The following NLRP5 variants were observed in gnomAD, a reference collection of about 807,000 sequenced individuals.
NLRP5 encodes the protein NACHT, LRR and PYD domains-containing protein 5.
A neutral mutation model predicts 113.1 loss-of-function variants in NLRP5; 93 were observed. The observed-to-expected ratio is 0.82, with a 90% CI of 0.70 to 0.98. The LOEUF (loss-of-function observed/expected upper bound fraction) is 0.98, where lower values mean the gene tolerates loss of function less well. NLRP5 is among the 50% of genes least tolerant of loss of function. The probability of loss-of-function intolerance (pLI) is 0.00; values close to 1 mark genes in which losing one functional copy is unlikely to be tolerated. For synonymous variants in NLRP5, 751 were observed against 600.7 expected (o/e 1.25, Z -3.66); for missense variants, 1,808 against 1,514.3 (o/e 1.19, Z -3.22).
chr19:56,028,468 A>C lies in NLRP5; in HGVS notation c.2235A>C (p.Pro745=). ...GGGTGGATGTCAAAGGGATCTTCCC[A>C]AGAGATGAGTCCGCTGAGGCATGTC... The change falls in exon 7 of 15, where the codon CCA becomes CCC. Residue 745 remains proline, a synonymous_variant. Transcript: ENST00000390649. 1.2e-6 allele frequency: 2 copies of C among 1,613,856 alleles called. No individual in the cohort carries two copies. The highest frequency in any genetic ancestry group is 1.7e-6 in the Non-Finnish European group (2 of 1,179,894).
Position 56,003,904 on chromosome 19 carries a change from TA to T in NLRP5, c.254del (p.Lys85ArgfsTer49), listed in dbSNP as rs1452787855. The T allele has an allele frequency of 6.2e-7, 1 of 1,614,010 alleles. No individual in the cohort carries two copies. The highest frequency in any genetic ancestry group is 8.5e-7 in the Non-Finnish European group (1 of 1,179,890). The stretch of plus-strand genomic sequence containing the variant: ...GAATTTCAGACATTCAAGGAATTAC[TA>T]AAGAAGAAATCTTCAGAATCGACCA... On this transcript the variant is annotated frameshift_variant, in exon 2 of 15. Transcript: ENST00000390649. LOFTEE classifies it high-confidence loss of function.
chr19:56,050,356 C>G, intron 11 of NLRP5, 62 bp from the exon 12 acceptor site: 3 of 1,501,326 alleles, frequency 2.0e-6, no homozygotes, highest in Non-Finnish European at 2.8e-6. Context: ...AGCAGCAGCT[C>G]ACTTGAGGCC....
chr19:56,005,453 T>G (rs941423770), intron 2 of NLRP5, among the ~76,000 whole-genome samples: 3 of 141,848 alleles, frequency 2.1e-5, no homozygotes, highest in African/African-American at 7.9e-5. Context: ...ACATATATTT[T>G]TATATACACA....
chr19:56,002,576 T>G (rs924605226), intron 1 of NLRP5, among the ~76,000 whole-genome samples: 8 of 151,368 alleles, frequency 5.3e-5, no homozygotes, highest in African/African-American at 2.0e-4. Context: ...TAACTCATCA[T>G]TTAGCATTAG....
At chr19:56,010,799 T>C (rs78527589) in intron 3 of NLRP5, among the ~76,000 whole-genome samples, 34 of 138,052 alleles carry the variant, frequency 2.5e-4, no homozygotes, top group Non-Finnish European at 5.0e-4. Context: ...GTTTTTTTTT[T>C]ATCAAGCTAT....
chr19:56,041,447 T>A (rs750761982), intron 11 of NLRP5, among the ~76,000 whole-genome samples: 19 of 152,116 alleles, frequency 1.2e-4, no homozygotes, highest in Non-Finnish European at 2.4e-4. Flanking sequence ...CACGTTTTCA[T>A]CAATCGATGA....
rs202104062 is a variant in NLRP5, at chr19:56,003,724, C to G, written c.71C>G (p.Thr24Ser). 3.1e-5 allele frequency: 49 copies of G among 1,596,342 alleles called. No homozygotes were observed. Among genetic ancestry groups the G allele is most frequent in the Non-Finnish European group, 4.1e-5 (48 of 1,172,682 alleles). The change falls in exon 2 of 15, where the codon ACT (threonine) becomes AGT (serine). Residue 24 changes from threonine (T) to serine (S), a missense_variant. Coordinates refer to ENST00000390649, the MANE Select transcript of NLRP5 (RefSeq NM_153447.4). Reference sequence around the variant, plus strand: ...CAAGATCCTCTTTTAAGTCTTGTCACTCTTTCCACAGGTCCTACTTGCTCT... The same window carrying G: ...CAAGATCCTCTTTTAAGTCTTGTCAGTCTTTCCACAGGTCCTACTTGCTCT...
At position 56,038,115 on chromosome 19, in the gene NLRP5, A is replaced by G. The variant is rs1983386150; in HGVS notation, c.2706A>G (p.Ala902=). Residue 902 remains alanine, a synonymous_variant, in exon 10 of 15, where the codon GCA becomes GCG. Transcript: ENST00000390649. ...CCAGCCTGAAATCTCTGAGCCTGGC[A>G]GGAAACAAGGTGACAGACCAGGGAG... is the stretch of plus-strand genomic sequence containing the variant. 1 of 1,613,986 alleles carries G rather than the reference A, an allele frequency of 6.2e-7. No individual in the cohort carries two copies.
At chr19:55,991,171 T>C in the NLRP5 span, among the ~76,000 whole-genome samples, 3 of 152,186 alleles carry the variant, frequency 2.0e-5, no homozygotes, top group African/African-American at 7.2e-5. Flanking sequence ...TCTTGTCTCT[T>C]TTATACCATT....
chr19:56,041,012 C>T lies in NLRP5; in HGVS notation c.2877C>T (p.Ser959=). The T allele has an allele frequency of 6.2e-7, 1 of 1,613,974 alleles. No homozygotes were observed. Among genetic ancestry groups the T allele is most frequent in the Non-Finnish European group, 8.5e-7 (1 of 1,179,878 alleles). Residue 959 remains serine, a synonymous_variant, in exon 11 of 15, where the codon TCC becomes TCT. Transcript: ENST00000390649. ...GGAGCTTGACACACCTGTGCCTATC[C>T]AACAACAGCCTGGGGAACGAAGGTG...
At chr19:55,996,032 CTGTCTT>C (rs1031423636), upstream of NLRP5, among the ~76,000 whole-genome samples, 7 of 82,174 alleles carry the variant, frequency 8.5e-5, no homozygotes, top group African/African-American at 3.4e-4. Flanking sequence ...TATCAGTTCT[CTGTCTT>C]TTGGTGGGGT....
rs779756665 is a variant in NLRP5, at chr19:56,027,775, C to T, written c.1542C>T (p.Gly514=). 18 of 1,613,872 alleles carry T rather than the reference C, an allele frequency of 1.1e-5. No homozygotes were observed. Among genetic ancestry groups the T allele is most frequent in the Admixed American group, 1.7e-5 (1 of 59,994 alleles). Residue 514 remains glycine (G), a synonymous_variant, in exon 7 of 15, where the codon GGC becomes GGT. Coordinates refer to ENST00000390649, the MANE Select transcript of NLRP5 (RefSeq NM_153447.4). ...TGTTTCATCAGCTCACCCCTCGAGG[C>T]GTGGTCCGGCGCTGTCTCAATCTGG...
At chr19:56,057,462 C>T (rs1361088960) in intron 13 of NLRP5, among the ~76,000 whole-genome samples, 1 of 152,208 alleles carries the variant, frequency 6.6e-6, no homozygotes, top group Non-Finnish European at 1.5e-5. Flanking sequence ...ATCTAGTCAT[C>T]TTTGTTTCTC....
At chr19:56,001,207 C>A (rs1450558424) in intron 1 of NLRP5, among the ~76,000 whole-genome samples, 1 of 148,042 alleles carries the variant, frequency 6.8e-6, no homozygotes, top group Non-Finnish European at 1.5e-5. Flanking sequence ...AGCCTGTGGT[C>A]GCAGCTACTA....
intron 4 of NLRP5, among the ~76,000 whole-genome samples, chr19:56,018,298 T>C (rs1304919468): frequency 1.3e-5 from 2 of 152,228 alleles, no homozygotes; most frequent in Non-Finnish European, 2.9e-5. Context: ...GATTGTTCTT[T>C]AAAATGGCAA....
chr19:56,008,246 A>G (rs1185881924), intron 2 of NLRP5, among the ~76,000 whole-genome samples: 1 of 152,012 alleles, frequency 6.6e-6, no homozygotes, highest in African/African-American at 2.4e-5. Context: ...GTTTTTAAGA[A>G]CTAAATGCAG....
intron 1 of NLRP5, among the ~76,000 whole-genome samples, chr19:56,002,627 C>T (rs1426105797): frequency 6.0e-5 from 9 of 150,032 alleles, no homozygotes; most frequent in Non-Finnish European, 4.4e-5. Context: ...CCCCCAACCC[C>T]ACAACAGTCC....
intron 9 of NLRP5, among the ~76,000 whole-genome samples, chr19:56,037,692 T>G (rs1380723570): frequency 1.7e-5 from 1 of 60,498 alleles, no homozygotes; most frequent in Non-Finnish European, 2.8e-5. Flanking sequence ...AGACCCTGTC[T>G]CAAAAAAAAA....
At chr19:56,038,547 C>T (rs1035424676) in intron 10 of NLRP5, among the ~76,000 whole-genome samples, 5 of 152,128 alleles carry the variant, frequency 3.3e-5, no homozygotes, top group Non-Finnish European at 7.4e-5. Context: ...GAGAGGTATA[C>T]CCACTCAGTC....
Sources: gnomAD v4.1 joint callset for allele counts (sites outside exome capture counted in the v4.1 genomes callset) on GRCh38, gnomAD v4.1.1 for gene constraint, MANE v1.5 for transcripts, NCBI Gene and HGNC (gene_info 2026-07-23, HGNC 2026-07-21) for gene names.